Variants in MSRA observed in about 807,000 individuals in gnomAD.
The protein encoded by MSRA is mitochondrial peptide methionine sulfoxide reductase.
In MSRA, 54 loss-of-function variants were observed where a neutral mutation model predicts 31.3. The ratio of observed to expected loss-of-function variants is 1.73; its 90% CI spans 1.39 to 2.17. The LOEUF is 2.17. Ranked by LOEUF, MSRA falls within the 30% of genes most tolerant of loss-of-function variation. The pLI, the probability that MSRA is intolerant of heterozygous loss-of-function variation, is 0.00. For missense variants in MSRA, 507 were observed against 300.9 expected, an observed-to-expected ratio of 1.69 and a Z score of -5.07; for synonymous variants, 169 against 116.5, an observed-to-expected ratio of 1.45 and a Z score of -2.90.
At chr8:10,064,696 G>A (rs954745631) in intron 1 of MSRA, among the ~76,000 whole-genome samples, 1 of 152,000 alleles carries the variant, frequency 6.6e-6, no homozygotes, top group Non-Finnish European at 1.5e-5. Flanking sequence ...AAAAGTTTTC[G>A]TATTTTACCT....
chr8:10,167,900 C>G (rs1159830435), intron 1 of MSRA, among the ~76,000 whole-genome samples: 2 of 152,276 alleles, frequency 1.3e-5, no homozygotes, highest in East Asian at 3.9e-4. Flanking sequence ...AGGCCCTATA[C>G]CCTGATGTTA....
In MSRA at chr8:10,065,419, C is replaced by G. The variant is rs182025488; in HGVS notation, c.142+10761C>G. Among the ~76,000 whole-genome samples the G allele has an allele frequency of 1.6e-3, 238 of 152,318 alleles. 1 individual carries two copies. The highest frequency in any genetic ancestry group is 2.7e-3 in the Non-Finnish European group (186 of 68,032). ...TCAGGCTTATGCTCATACTAACAAG[C>G]TCTGTCGAATTATTTCAATGTGCGG... On this transcript the variant is annotated intron_variant, in intron 1 of 5. Coordinates refer to ENST00000317173, the MANE Select transcript of MSRA (RefSeq NM_012331.5).
intron 1 of MSRA, among the ~76,000 whole-genome samples, chr8:10,199,198 A>C (rs1367702329): frequency 6.6e-6 from 1 of 151,792 alleles, no homozygotes; most frequent in Non-Finnish European, 1.5e-5. Context: ...TTCCTCTTGC[A>C]CTCTAATGGG....
chr8:10,269,672 A>G (rs959898949), intron 3 of MSRA, among the ~76,000 whole-genome samples: 1 of 151,532 alleles, frequency 6.6e-6, no homozygotes, highest in Non-Finnish European at 1.5e-5. Context: ...GTTTTTTGAG[A>G]CAGAGTCTGG....
chr8:10,095,902 G>C, intron 1 of MSRA: 1 of 1,311,556 alleles, frequency 7.6e-7, no homozygotes, highest in Non-Finnish European at 9.8e-7. Flanking sequence ...TATACCATGA[G>C]AGACAGGATT....
At chr8:10,364,677 A>C (rs1482748859) in intron 5 of MSRA, among the ~76,000 whole-genome samples, 13 of 152,200 alleles carry the variant, frequency 8.5e-5, no homozygotes, top group Admixed American at 8.5e-4. Flanking sequence ...GTGTATCTTC[A>C]TTGACTTTGA....
chr8:10,061,849 G>C (rs187947651), intron 1 of MSRA, among the ~76,000 whole-genome samples: 120 of 151,668 alleles, frequency 7.9e-4, no homozygotes, highest in African/African-American at 2.7e-3. Context: ...GATGAAGGGT[G>C]GGGAACCCCT....
At chr8:10,212,827 C>A (rs529946069) in intron 2 of MSRA, among the ~76,000 whole-genome samples, 3 of 152,220 alleles carry the variant, frequency 2.0e-5, no homozygotes, top group South Asian at 2.1e-4. Context: ...TGTTTTGGAA[C>A]ACTGAAACAT....
At chr8:10,157,489 G>T (rs1196501219) in intron 1 of MSRA, among the ~76,000 whole-genome samples, 1 of 152,140 alleles carries the variant, frequency 6.6e-6, no homozygotes, top group African/African-American at 2.4e-5. Context: ...GCAAGTTCTG[G>T]GGGTGGAGGT....
At chr8:10,419,878 C>T (rs1306330351) in intron 5 of MSRA, among the ~76,000 whole-genome samples, 1 of 152,104 alleles carries the variant, frequency 6.6e-6, no homozygotes, top group Non-Finnish European at 1.5e-5. Flanking sequence ...GAAAGAATGG[C>T]CAAGCCATAT....
intron 1 of MSRA, among the ~76,000 whole-genome samples, chr8:10,128,407 TC>T (rs1379906193): frequency 6.6e-6 from 1 of 152,040 alleles, no homozygotes; most frequent in Non-Finnish European, 1.5e-5. Context: ...CTGTCTAAAT[TC>T]CAGTGATGAT....
At chr8:10,083,047 C>G (rs1233489480) in intron 1 of MSRA, among the ~76,000 whole-genome samples, 3 of 152,324 alleles carry the variant, frequency 2.0e-5, no homozygotes, top group South Asian at 2.1e-4. Context: ...GTGCATTTAT[C>G]AAGAATTTGG....
intron 5 of MSRA, among the ~76,000 whole-genome samples, chr8:10,364,028 C>A (rs1805016158): frequency 6.6e-6 from 1 of 152,162 alleles, no homozygotes; most frequent in South Asian, 2.1e-4. Context: ...TTTCTCTAGA[C>A]CTTACCCTGT....
chr8:10,392,612 G>T (rs1299861700), intron 5 of MSRA, among the ~76,000 whole-genome samples: 1 of 151,966 alleles, frequency 6.6e-6, no homozygotes, highest in Non-Finnish European at 1.5e-5. Flanking sequence ...GAATCTGGTG[G>T]TAAGGATGTC....
chr8:10,338,718 T>G (rs1803219415), intron 5 of MSRA, among the ~76,000 whole-genome samples: 1 of 152,158 alleles, frequency 6.6e-6, no homozygotes. Flanking sequence ...ACATAGAAAT[T>G]CTCCAAGAAG....
At chr8:10,199,084 C>T (rs1585149495) in intron 1 of MSRA, among the ~76,000 whole-genome samples, 1 of 152,298 alleles carries the variant, frequency 6.6e-6, no homozygotes, top group East Asian at 1.9e-4. Flanking sequence ...CATCATTCCT[C>T]CCTTTGTCTT....
At chr8:10,307,034 A>G (rs1801176586) in intron 4 of MSRA, among the ~76,000 whole-genome samples, 1 of 152,182 alleles carries the variant, frequency 6.6e-6, no homozygotes, top group African/African-American at 2.4e-5. Context: ...TGAGGTTCCA[A>G]AAGACTCATA....
intron 2 of MSRA, among the ~76,000 whole-genome samples, chr8:10,228,377 T>C (rs751678197): frequency 6.6e-6 from 1 of 152,206 alleles, no homozygotes. Flanking sequence ...ACGTGTACTT[T>C]ATTGATATCC....
chr8:10,173,232 GC>G (rs1318881253), intron 1 of MSRA, among the ~76,000 whole-genome samples: 1 of 152,198 alleles, frequency 6.6e-6, no homozygotes, highest in African/African-American at 2.4e-5. Flanking sequence ...AAATGCCAGG[GC>G]CCCTCTGAGC....
Sources: allele counts gnomAD v4.1 joint callset (sites outside exome capture counted in the v4.1 genomes callset), GRCh38; gene constraint gnomAD v4.1.1; transcripts MANE v1.5; gene names NCBI Gene and HGNC (gene_info 2026-07-23, HGNC 2026-07-21).